The following ALDH1L1 variants were observed in gnomAD, a reference collection of about 807,000 sequenced individuals.
ALDH1L1 encodes aldehyde dehydrogenase 1 family member L1.
Under a neutral mutation model 101.1 loss-of-function variants are expected in ALDH1L1, and 68 were observed. The observed-to-expected ratio is 0.67, with a 90% confidence interval of 0.55 to 0.82. The LOEUF (loss-of-function observed/expected upper bound fraction) is 0.82. Among genes scored for constraint, ALDH1L1 ranks in the 40% least tolerant of loss-of-function variants. The probability of loss-of-function intolerance (pLI) is 0.00; values close to 1 mark genes in which losing one functional copy is unlikely to be tolerated. For synonymous variants in ALDH1L1, 486 were observed against 470.8 expected, an observed-to-expected ratio of 1.03 and a Z score of -0.42; for missense variants, 1,087 against 1,172.7, an observed-to-expected ratio of 0.93 and a Z score of 1.07.
chr3:126,157,311 C>G, intron 4 of ALDH1L1, 32 bp downstream of exon 4: 1 of 1,591,086 alleles, frequency 6.3e-7, no homozygotes, highest in South Asian at 1.1e-5. Context: ...TGCGTCGGGG[C>G]GGGCAGGGCG....
At chr3:126,155,328 C>G in intron 5 of ALDH1L1, 74 bp downstream of exon 5, 1 of 1,366,226 alleles carries the variant, frequency 7.3e-7, no homozygotes, top group Non-Finnish European at 1.0e-6. Context: ...TGAACCCCAG[C>G]CTCCTCAGGC....
intron 8 of ALDH1L1, among the ~76,000 whole-genome samples, chr3:126,148,179 A>T (rs2080735711): frequency 6.6e-6 from 1 of 152,174 alleles, no homozygotes; most frequent in African/African-American, 2.4e-5. Flanking sequence ...CACTGAGTGC[A>T]CCACAAAGCC....
intron 8 of ALDH1L1, among the ~76,000 whole-genome samples, chr3:126,147,620 T>C (rs1012411493): frequency 6.6e-6 from 1 of 152,090 alleles, no homozygotes; most frequent in African/African-American, 2.4e-5. Flanking sequence ...TGAGGCCCAG[T>C]GGGGCAGGAG....
intron 9 of ALDH1L1, among the ~76,000 whole-genome samples, chr3:126,138,425 A>G (rs57922720): frequency 1.5e-3 from 233 of 152,290 alleles, no homozygotes; most frequent in African/African-American, 5.4e-3. Flanking sequence ...AACCCTCAAA[A>G]CTCAATACTA....
intron 12 of ALDH1L1, among the ~76,000 whole-genome samples, chr3:126,131,937 G>C (rs1293372824): frequency 6.6e-6 from 1 of 152,236 alleles, no homozygotes; most frequent in Non-Finnish European, 1.5e-5. Flanking sequence ...TGTCTTTCCA[G>C]CACCAATAAA....
chr3:126,123,179 G>A (rs139065563), intron 16 of ALDH1L1, among the ~76,000 whole-genome samples: 8 of 151,880 alleles, frequency 5.3e-5, no homozygotes, highest in East Asian at 3.9e-4. Context: ...ACACAAAAAC[G>A]ATCATGAAAG....
At chr3:126,138,075 A>T in intron 9 of ALDH1L1, 115 bp from the exon 10 acceptor site, 1 of 1,337,888 alleles carries the variant, frequency 7.5e-7, no homozygotes, top group Non-Finnish European at 1.0e-6. Flanking sequence ...CAGCACCGAG[A>T]GGTAGCCATG....
intron 1 of ALDH1L1, among the ~76,000 whole-genome samples, chr3:126,176,524 C>T (rs570139743): frequency 6.6e-6 from 1 of 152,268 alleles, no homozygotes; most frequent in Non-Finnish European, 1.5e-5. Context: ...GAAGTAAACT[C>T]ACATCAATAC....
upstream of ALDH1L1, among the ~76,000 whole-genome samples, chr3:126,186,493 A>ACCTGAC (rs67057679): frequency 1.3e-5 from 2 of 151,778 alleles, no homozygotes. Flanking sequence ...CTGACCCTGA[A>ACCTGAC]CCTGACCCTG....
rs1559961084 is a variant in ALDH1L1 at position 126,157,307 on chromosome 3, GGGGC to G, written c.528+32_528+35del. The G allele has an allele frequency of 1.9e-6, 3 of 1,588,744 alleles. No homozygotes were observed. The African/African-American group carries it at 4.0e-5, about 21-fold the overall frequency. ...TAGGGAGGATGCTTGAGGGTGCGTC[GGGGC>G]GGGCAGGGCGCGGCCGGCTCCAGGT... On this transcript the variant is annotated intron_variant, in intron 4 of 22. Coordinates refer to ENST00000393434, the MANE Select transcript of ALDH1L1 (RefSeq NM_012190.4).
Position 126,154,535 on chromosome 3 carries a change from C to T in ALDH1L1, c.720+19G>A, listed in dbSNP as rs1333510972. 6.2e-7 allele frequency: 1 copy of T among 1,613,168 alleles called. No individual in the cohort carries two copies. Among genetic ancestry groups the T allele is most frequent in the Non-Finnish European group, 8.5e-7 (1 of 1,179,178 alleles). ...TACACCAATGCACGTGGCTGGATTC[C>T]AGCCATGCAGGGACACACCTGTTCA... On this transcript the variant is annotated intron_variant, in intron 6 of 22. Coordinates refer to ENST00000393434, the MANE Select transcript of ALDH1L1 (RefSeq NM_012190.4).
intron 17 of ALDH1L1, chr3:126,114,913 T>G: frequency 1.8e-6 from 1 of 545,378 alleles, no homozygotes; most frequent in Non-Finnish European, 3.5e-6. Flanking sequence ...CACACCTCAT[T>G]TCCTGCAGGC....
chr3:126,144,155 A>C (rs1376913588), intron 9 of ALDH1L1, among the ~76,000 whole-genome samples: 1 of 152,218 alleles, frequency 6.6e-6, no homozygotes, highest in Non-Finnish European at 1.5e-5. Flanking sequence ...AATTTAACCA[A>C]GTAGCCAACA....
chr3:126,130,919 C>T (rs1393926546), intron 13 of ALDH1L1, among the ~76,000 whole-genome samples: 1 of 152,226 alleles, frequency 6.6e-6, no homozygotes, highest in Non-Finnish European at 1.5e-5. Flanking sequence ...ACATAGTGCC[C>T]ATGAGCCCAG....
At chr3:126,121,653 T>G (rs189193914) in intron 16 of ALDH1L1, among the ~76,000 whole-genome samples, 1 of 152,302 alleles carries the variant, frequency 6.6e-6, no homozygotes, top group Admixed American at 6.5e-5. Flanking sequence ...CTGGAAATTC[T>G]TCTAAGGGCA....
chr3:126,187,052 G>T (rs950516169), intron 1 of ALDH1L1, among the ~76,000 whole-genome samples: 1 of 152,172 alleles, frequency 6.6e-6, no homozygotes, highest in Non-Finnish European at 1.5e-5. Context: ...TCGAGGAGAG[G>T]CTGCTGCCAT....
chr3:126,139,958 A>G (rs551348006), intron 9 of ALDH1L1, among the ~76,000 whole-genome samples: 58 of 152,292 alleles, frequency 3.8e-4, no homozygotes, highest in African/African-American at 1.4e-3. Context: ...GCTCCAGAGG[A>G]AAAAAGAGAA....
At chr3:126,111,412 G>A (rs1014772923) in intron 19 of ALDH1L1, among the ~76,000 whole-genome samples, 3 of 152,216 alleles carry the variant, frequency 2.0e-5, no homozygotes, top group African/African-American at 7.2e-5. Context: ...GAAGCCACCC[G>A]CTGCCCCGCT....
chr3:126,164,143 C>T (rs1387925542), intron 1 of ALDH1L1, among the ~76,000 whole-genome samples: 1 of 151,584 alleles, frequency 6.6e-6, no homozygotes. Flanking sequence ...AAAAAAAAGG[C>T]AAGGCAAGGC....
Sources: gnomAD v4.1 joint callset for allele counts (sites outside exome capture counted in the v4.1 genomes callset) on GRCh38, gnomAD v4.1.1 for gene constraint, MANE v1.5 for transcripts, NCBI Gene and HGNC (gene_info 2026-07-23, HGNC 2026-07-21) for gene names.